TAF1B: variants seen among roughly 807,000 people sequenced by gnomAD.
TAF1B encodes the protein TATA-box binding protein associated factor, RNA polymerase I subunit B, also known as TATA box-binding protein-associated factor RNA polymerase I subunit B.
Under a neutral mutation model 83.9 loss-of-function variants are expected in TAF1B, and 61 were observed. That is an observed-to-expected ratio of 0.73 (90% CI 0.59 to 0.90). TAF1B has a LOEUF of 0.90. TAF1B is among the 40% of genes least tolerant of loss of function. The probability of loss-of-function intolerance (pLI) is 0.00; values close to 1 mark genes in which losing one functional copy is unlikely to be tolerated. For missense variants in TAF1B, 625 were observed against 677.0 expected (o/e 0.92, Z 0.85); for synonymous variants, 221 against 224.6 (o/e 0.98, Z 0.14).
intron 2 of TAF1B, among the ~76,000 whole-genome samples, chr2:9,847,298 G>GA (rs911607230): frequency 2.0e-5 from 3 of 152,040 alleles, no homozygotes; most frequent in Non-Finnish European, 2.9e-5. Flanking sequence ...AGGCTTAAAG[G>GA]AAAAAAAAGT....
chr2:9,887,907 C>T (rs1001434136), intron 8 of TAF1B, among the ~76,000 whole-genome samples: 3 of 151,830 alleles, frequency 2.0e-5, no homozygotes, highest in Non-Finnish European at 4.4e-5. Context: ...GACTGGAGTA[C>T]AGTGGCATGA....
At chr2:9,911,299 TA>T (rs1414177194) in intron 10 of TAF1B, among the ~76,000 whole-genome samples, 1 of 152,184 alleles carries the variant, frequency 6.6e-6, no homozygotes, top group Non-Finnish European at 1.5e-5. Flanking sequence ...TTTTAGAAAG[TA>T]AAGGAATCTT....
At chr2:9,918,693 A>G (rs934063600) in intron 12 of TAF1B, among the ~76,000 whole-genome samples, 2 of 152,292 alleles carry the variant, frequency 1.3e-5, no homozygotes, top group Non-Finnish European at 1.5e-5. Context: ...GACAAAGGCA[A>G]TGAGGAACAG....
intron 8 of TAF1B, among the ~76,000 whole-genome samples, chr2:9,898,818 C>T (rs1665096436): frequency 1.3e-5 from 2 of 151,738 alleles, no homozygotes; most frequent in African/African-American, 2.4e-5. Context: ...TTTTGAATGT[C>T]TGTAGATTTC....
chr2:9,903,146 C>T (rs1427857085), intron 8 of TAF1B, among the ~76,000 whole-genome samples: 1 of 152,010 alleles, frequency 6.6e-6, no homozygotes. Context: ...AGTGCAGTGG[C>T]GCAGTCTCGG....
rs939172082 is a variant in TAF1B, at chr2:9,929,145, G to T, written c.1566-4638G>T. Among the ~76,000 whole-genome samples the T allele has an allele frequency of 3.5e-5, 5 of 141,238 alleles. No homozygotes were observed. In the South Asian group the frequency reaches 8.7e-4, roughly 25 times the overall value. The allele number at this position is 141,238 out of a possible 152,430, so 92.7% of individuals were successfully genotyped here. The stretch of plus-strand genomic sequence containing the variant: ...GGTGGTTTTGTCATTGGTTCTGTTT[G>T]TTGTTGTTGTTGTTGTTGTTGTTGT... On this transcript the variant is annotated intron_variant, in intron 14 of 14. Coordinates refer to ENST00000263663, the MANE Select transcript of TAF1B (RefSeq NM_005680.3).
At chr2:9,891,071 C>A (rs1664857856) in intron 8 of TAF1B, among the ~76,000 whole-genome samples, 1 of 152,238 alleles carries the variant, frequency 6.6e-6, no homozygotes, top group Admixed American at 6.5e-5. Context: ...TGCACCTGGC[C>A]TACTCTCTTA....
intron 8 of TAF1B, 47 bp from the exon 9 acceptor site, chr2:9,904,811 AG>A (rs756447345): frequency 1.4e-5 from 22 of 1,544,774 alleles, no homozygotes; most frequent in Middle Eastern, 1.7e-4. Context: ...TTTAAAAATA[AG>A]TTTTGTTGCA....
chr2:9,884,168 G>T (rs539581522), intron 8 of TAF1B, among the ~76,000 whole-genome samples: 2 of 152,220 alleles, frequency 1.3e-5, no homozygotes, highest in Non-Finnish European at 2.9e-5. Flanking sequence ...GCGAGGCTGC[G>T]ACCGGACCAG....
In TAF1B at chr2:9,843,495, C is replaced by T; in HGVS notation, c.-47C>T. 6.6e-7 allele frequency: 1 copy of T among 1,519,934 alleles called. No homozygotes were observed. Among genetic ancestry groups the T allele is most frequent in the Non-Finnish European group, 8.9e-7 (1 of 1,129,168 alleles). 94.2% of individuals were successfully genotyped at this position (1,519,934 alleles called of 1,614,324 possible). ...CAGCCTTTCCCGGAAGCTGCGCTCG[C>T]TACCCGGGTAACGGGTCCCGGCTGT... On this transcript the variant is annotated 5_prime_UTR_variant, in exon 1 of 15. Transcript: ENST00000263663.
chr2:9,925,719 G>A (rs1666015103), intron 14 of TAF1B, among the ~76,000 whole-genome samples: 1 of 151,872 alleles, frequency 6.6e-6, no homozygotes, highest in Non-Finnish European at 1.5e-5. Context: ...TGCTACTACA[G>A]ACATGCGCTA....
chr2:9,896,711 T>C (rs1171676124), intron 8 of TAF1B, among the ~76,000 whole-genome samples: 3 of 151,918 alleles, frequency 2.0e-5, no homozygotes, highest in African/African-American at 7.3e-5. Context: ...TCTGTTAGTA[T>C]TTCAGTGGCC....
chr2:9,929,142 T>TTTGTTGTTGTTGTTTG (rs1553295010), intron 14 of TAF1B, among the ~76,000 whole-genome samples: 5 of 150,914 alleles, frequency 3.3e-5, no homozygotes, highest in African/African-American at 1.2e-4. Flanking sequence ...ATTGGTTCTG[T>TTTGTTGTTGTTGTTTG]TTGTTGTTGT....
At chr2:9,874,961 C>CTT (rs535924030) in intron 6 of TAF1B, among the ~76,000 whole-genome samples, 3 of 143,816 alleles carry the variant, frequency 2.1e-5, no homozygotes. Context: ...CGTTCAAATT[C>CTT]TTTTTTTTTT....
intron 5 of TAF1B, among the ~76,000 whole-genome samples, chr2:9,865,338 C>T (rs578202919): frequency 3.3e-4 from 51 of 152,296 alleles, no homozygotes; most frequent in Admixed American, 3.1e-3. Flanking sequence ...CTCCCATTCA[C>T]AGTTGCTTCA....
chr2:9,905,201 G>A (rs1665305202), intron 9 of TAF1B, among the ~76,000 whole-genome samples, 195 bp downstream of exon 9: 1 of 152,148 alleles, frequency 6.6e-6, no homozygotes. Context: ...TTCAGAAATA[G>A]AGTTTTCAGA....
chr2:9,845,072 C>A, intron 1 of TAF1B, 148 bp from the exon 2 acceptor site: 1 of 474,600 alleles, frequency 2.1e-6, no homozygotes. Context: ...TCCTTGTTTG[C>A]GGATAATCTC....
chr2:9,845,103 C>T (rs1451931938), intron 1 of TAF1B, 117 bp from the exon 2 acceptor site: 2 of 622,688 alleles, frequency 3.2e-6, no homozygotes, highest in Non-Finnish European at 5.5e-6. Flanking sequence ...TTTTTATTGT[C>T]TATGATTTTT....
intron 9 of TAF1B, among the ~76,000 whole-genome samples, chr2:9,909,502 A>G (rs528858522): frequency 1.3e-3 from 203 of 152,358 alleles, no homozygotes; most frequent in Non-Finnish European, 2.6e-3. Flanking sequence ...CAGAGAGGCA[A>G]GTGAGAATAT....
Sources: allele counts gnomAD v4.1 joint callset (sites outside exome capture counted in the v4.1 genomes callset), GRCh38; gene constraint gnomAD v4.1.1; transcripts MANE v1.5; gene names NCBI Gene and HGNC (gene_info 2026-07-23, HGNC 2026-07-21).